The following PDE10A variants were observed in gnomAD, a reference collection of about 807,000 sequenced individuals.
The protein encoded by PDE10A is phosphodiesterase 10A, also known as cAMP and cAMP-inhibited cGMP 3',5'-cyclic phosphodiesterase 10A.
In PDE10A, 39 loss-of-function variants were observed where a neutral mutation model predicts 97.7. That is an observed-to-expected ratio of 0.40 (90% CI 0.31 to 0.52). The LOEUF (loss-of-function observed/expected upper bound fraction) is 0.52, where lower values mean the gene tolerates loss of function less well. Ranked by LOEUF, PDE10A falls within the 20% of genes least tolerant of loss-of-function variation. The pLI is 0.56. For synonymous variants in PDE10A, 371 were observed against 376.8 expected, an observed-to-expected ratio of 0.98 and a Z score of 0.18; for missense variants, 731 against 1,047.8, an observed-to-expected ratio of 0.70 and a Z score of 4.17.
intron 18 of PDE10A, among the ~76,000 whole-genome samples, chr6:165,354,829 T>C (rs536502): frequency 0.47 from 70,993 of 151,730 alleles, 17,491 homozygotes; most frequent in African/African-American, 0.64. Context: ...TCTACGCTGG[T>C]GGTAAAAGCC....
chr6:165,736,605 A>C (rs545941361), intron 1 of PDE10A, among the ~76,000 whole-genome samples: 1 of 152,202 alleles, frequency 6.6e-6, no homozygotes, highest in Admixed American at 6.5e-5. Context: ...TAAAAATCTT[A>C]AGACAGAAAT....
chr6:165,339,153 T>C (rs1430274837), intron 20 of PDE10A, 125 bp downstream of exon 20: 1 of 739,570 alleles, frequency 1.4e-6, no homozygotes, highest in Admixed American at 1.8e-5. Context: ...AATCACCAGA[T>C]CTGCCTGGAA....
rs1002850515 is a variant in PDE10A at position 165,832,649 on chromosome 6, A to G, written c.-615+154880T>C. Among the ~76,000 whole-genome samples, 9 of 152,188 alleles carry G rather than the reference A, an allele frequency of 5.9e-5. No homozygotes were observed. The South Asian group carries it at 1.5e-3, about 25-fold the overall frequency. On this transcript the variant is annotated intron_variant, in intron 1 of 19. Transcript: ENST00000366882. Reference sequence around the variant, plus strand: ...CAGCGTTCCCACCCACTCTTCATCAAAGCCGTTTCCTCGGTGTGGATGAGC... The same window carrying G: ...CAGCGTTCCCACCCACTCTTCATCAGAGCCGTTTCCTCGGTGTGGATGAGC...
chr6:165,721,136 G>A (rs571891283), intron 1 of PDE10A, among the ~76,000 whole-genome samples: 9 of 152,314 alleles, frequency 5.9e-5, no homozygotes, highest in African/African-American at 2.2e-4. Flanking sequence ...TCCGGTTGTG[G>A]TATTCAAAAG....
intron 2 of PDE10A, among the ~76,000 whole-genome samples, chr6:165,497,134 CA>C (rs1019572958): frequency 2.0e-5 from 3 of 151,362 alleles, no homozygotes; most frequent in Non-Finnish European, 3.0e-5. Flanking sequence ...CAAGCCATAT[CA>C]AAAAAAAGGA....
chr6:165,808,321 C>T (rs1223359749), intron 1 of PDE10A, among the ~76,000 whole-genome samples: 2 of 152,208 alleles, frequency 1.3e-5, no homozygotes, highest in Non-Finnish European at 2.9e-5. Flanking sequence ...GAAGTCACAT[C>T]CATCTGCTGA....
chr6:165,487,950 TA>T (rs532866246), intron 2 of PDE10A, among the ~76,000 whole-genome samples: 6 of 101,850 alleles, frequency 5.9e-5, no homozygotes, highest in Non-Finnish European at 9.9e-5. Context: ...CTCTTTGAAA[TA>T]AAAAGTTAGA....
chr6:165,881,449 G>A (rs1448637131), intron 1 of PDE10A, among the ~76,000 whole-genome samples: 1 of 137,770 alleles, frequency 7.3e-6, no homozygotes, highest in Admixed American at 7.8e-5. Flanking sequence ...AGGGTGGAGT[G>A]CAATGGTGGG....
intron 16 of PDE10A, among the ~76,000 whole-genome samples, 199 bp downstream of exon 16, chr6:165,392,447 C>A (rs1472206895): frequency 6.6e-6 from 1 of 152,118 alleles, no homozygotes; most frequent in Non-Finnish European, 1.5e-5. Context: ...GTTAAAATTT[C>A]TTTTATCTAC....
chr6:165,773,136 C>T (rs551932914), intron 1 of PDE10A: 166 of 152,312 alleles, frequency 1.1e-3, no homozygotes, highest in African/African-American at 3.9e-3. Context: ...TCTTAAAATA[C>T]GCACATCCGT....
intron 1 of PDE10A, among the ~76,000 whole-genome samples, chr6:165,786,602 C>T (rs1778502878): frequency 6.6e-6 from 1 of 152,150 alleles, no homozygotes; most frequent in Non-Finnish European, 1.5e-5. Context: ...GACACATGGG[C>T]TGTTTTGCAT....
intron 18 of PDE10A, among the ~76,000 whole-genome samples, chr6:165,368,593 C>T (rs543688020): frequency 1.3e-5 from 2 of 152,094 alleles, no homozygotes; most frequent in South Asian, 4.2e-4. Context: ...AATATCACTC[C>T]CCCAACACAA....
chr6:165,840,707 G>A (rs759372230), intron 1 of PDE10A, among the ~76,000 whole-genome samples: 26 of 152,262 alleles, frequency 1.7e-4, no homozygotes, highest in Admixed American at 2.6e-4. Flanking sequence ...CATTTCTATT[G>A]ATATAGGAAT....
chr6:165,340,083 T>G (rs1464481395), intron 19 of PDE10A, among the ~76,000 whole-genome samples: 1 of 152,232 alleles, frequency 6.6e-6, no homozygotes, highest in East Asian at 1.9e-4. Context: ...TAATAGTTAC[T>G]AAAGATTCAC....
intron 18 of PDE10A, among the ~76,000 whole-genome samples, chr6:165,351,167 T>TC (rs11465000): frequency 1 from 152,375 of 152,376 alleles, 76,187 homozygotes; most frequent in Middle Eastern, 1. Flanking sequence ...ACAATGACTT[T>TC]ATACACAATT....
intron 2 of PDE10A, among the ~76,000 whole-genome samples, chr6:165,531,805 T>C (rs947464741): frequency 6.6e-6 from 1 of 152,206 alleles, no homozygotes; most frequent in Non-Finnish European, 1.5e-5. Flanking sequence ...TGAATATTTA[T>C]GCTCTTTCTA....
intron 1 of PDE10A, among the ~76,000 whole-genome samples, chr6:165,873,117 G>C (rs909497596): frequency 6.6e-6 from 1 of 152,272 alleles, no homozygotes; most frequent in South Asian, 2.1e-4. Context: ...CAGAATGTTC[G>C]GGGGAGCAGC....
intron 1 of PDE10A, among the ~76,000 whole-genome samples, chr6:165,814,576 C>T (rs1763995454): frequency 6.6e-6 from 1 of 152,066 alleles, no homozygotes; most frequent in Non-Finnish European, 1.5e-5. Context: ...CACTAAATAT[C>T]AATTTAAAAA....
chr6:165,695,398 A>G (rs1314563461), intron 1 of PDE10A, among the ~76,000 whole-genome samples: 1 of 152,130 alleles, frequency 6.6e-6, no homozygotes, highest in Non-Finnish European at 1.5e-5. Context: ...CTCCCAGCTC[A>G]GGGAGGTGGG....
Sources: allele counts gnomAD v4.1 joint callset (sites outside exome capture counted in the v4.1 genomes callset), GRCh38; gene constraint gnomAD v4.1.1; transcripts MANE v1.5; gene names NCBI Gene and HGNC (gene_info 2026-07-23, HGNC 2026-07-21).